NKAIN2: variants seen among roughly 807,000 people sequenced by gnomAD.
NKAIN2 encodes the protein sodium/potassium-transporting ATPase subunit beta-1-interacting protein 2.
In NKAIN2, 14 loss-of-function variants were observed where a neutral mutation model predicts 32.6. That is an observed-to-expected ratio of 0.43 (90% CI 0.28 to 0.67). The LOEUF is 0.67. NKAIN2 is among the 30% of genes least tolerant of loss of function. The probability of loss-of-function intolerance (pLI) is 0.17; values close to 1 mark genes in which losing one functional copy is unlikely to be tolerated. For missense variants in NKAIN2, 198 were observed against 258.3 expected, an observed-to-expected ratio of 0.77 and a Z score of 1.60; for synonymous variants, 80 against 87.2, an observed-to-expected ratio of 0.92 and a Z score of 0.46.
chr6:124,645,239 C>T (rs1388159200), intron 3 of NKAIN2, among the ~76,000 whole-genome samples: 1 of 152,060 alleles, frequency 6.6e-6, no homozygotes, highest in African/African-American at 2.4e-5. Context: ...GTAACATCCT[C>T]TAACAACAGG....
At chr6:124,705,467 G>T (rs1333710067) in intron 4 of NKAIN2, among the ~76,000 whole-genome samples, 1 of 152,038 alleles carries the variant, frequency 6.6e-6, no homozygotes, top group Non-Finnish European at 1.5e-5. Flanking sequence ...AGTGAACATT[G>T]TAAGAAAGAA....
intron 3 of NKAIN2, among the ~76,000 whole-genome samples, chr6:124,399,576 TTTG>T (rs1773540824): frequency 6.6e-6 from 1 of 152,188 alleles, no homozygotes; most frequent in East Asian, 1.9e-4. Context: ...AGCATAAGGG[TTTG>T]AGTTGGGTGG....
intron 4 of NKAIN2, among the ~76,000 whole-genome samples, chr6:124,698,624 AAAG>A (rs1334191687): frequency 1.3e-5 from 2 of 152,304 alleles, no homozygotes; most frequent in Middle Eastern, 3.4e-3. Context: ...GCTCTCTAGA[AAAG>A]AAGTCCTTTT....
chr6:123,860,144 C>T lies in NKAIN2; in HGVS notation c.54+55890C>T, dbSNP rs79665801. 8.4e-3 allele frequency among the ~76,000 whole-genome samples: 1,281 copies of T among 152,208 alleles called. 14 individuals are homozygous for T. Among genetic ancestry groups the T allele is most frequent in the African/African-American group, 0.03 (1,236 of 41,538 alleles). ...AAAACACATCTACTCTCTAAAAGTA[C>T]AAGATGTTGAGGAGATGGTGTCTGG... is the stretch of plus-strand genomic sequence containing the variant. On this transcript the variant is annotated intron_variant, in intron 1 of 6. Coordinates refer to ENST00000368417, the MANE Select transcript of NKAIN2 (RefSeq NM_001040214.3).
At chr6:124,055,633 G>C (rs1231623987) in intron 1 of NKAIN2, among the ~76,000 whole-genome samples, 1 of 151,922 alleles carries the variant, frequency 6.6e-6, no homozygotes, top group Non-Finnish European at 1.5e-5. Flanking sequence ...TGATTATTGG[G>C]TAATTGTGCA....
chr6:124,742,610 C>T (rs998687380), intron 4 of NKAIN2, among the ~76,000 whole-genome samples: 1 of 151,852 alleles, frequency 6.6e-6, no homozygotes, highest in Non-Finnish European at 1.5e-5. Flanking sequence ...TATATTGGTT[C>T]TCTTTTTGGT....
intron 4 of NKAIN2, among the ~76,000 whole-genome samples, chr6:124,732,991 A>G (rs1776761499): frequency 6.6e-6 from 1 of 152,010 alleles, no homozygotes; most frequent in Non-Finnish European, 1.5e-5. Flanking sequence ...TTATTTAACA[A>G]TACAAGGAAA....
intron 4 of NKAIN2, among the ~76,000 whole-genome samples, chr6:124,721,167 A>G (rs1216639629): frequency 6.6e-6 from 1 of 152,210 alleles, no homozygotes; most frequent in Non-Finnish European, 1.5e-5. Context: ...CTGTAATCCC[A>G]GCACTTTGGG....
At chr6:124,099,097 A>G (rs1048835890) in intron 1 of NKAIN2, among the ~76,000 whole-genome samples, 15 of 152,144 alleles carry the variant, frequency 9.9e-5, no homozygotes, top group Non-Finnish European at 1.5e-4. Context: ...TTAATTATTG[A>G]AAAGCTAGAG....
chr6:124,008,592 A>G (rs1039138233), intron 1 of NKAIN2, among the ~76,000 whole-genome samples: 6 of 152,086 alleles, frequency 3.9e-5, no homozygotes, highest in Non-Finnish European at 7.4e-5. Context: ...TTGAGGCAGT[A>G]AGTTAAAATT....
chr6:124,416,088 G>A (rs939627686), intron 3 of NKAIN2, among the ~76,000 whole-genome samples: 2 of 151,482 alleles, frequency 1.3e-5, no homozygotes, highest in African/African-American at 2.4e-5. Flanking sequence ...CTCCCACTAA[G>A]GATAACTAAG....
rs945737378 is a variant in NKAIN2, at chr6:124,758,040, T to C, written c.475-33299T>C. ...ACTTCCTTTTTGTAGGCATTCCAGTTCAGTGAATTAAATTGACAAGAGAAT... is the reference window on the plus strand; with the variant it reads ...ACTTCCTTTTTGTAGGCATTCCAGTCCAGTGAATTAAATTGACAAGAGAAT... On this transcript the variant is annotated intron_variant, in intron 4 of 6. Transcript: ENST00000368417. 5.9e-5 allele frequency among the ~76,000 whole-genome samples: 9 copies of C among 152,242 alleles called. No homozygotes were observed. The South Asian group carries it at 1.9e-3, about 32-fold the overall frequency.
intron 1 of NKAIN2, among the ~76,000 whole-genome samples, chr6:123,827,325 A>G (rs1774189766): frequency 6.6e-6 from 1 of 152,148 alleles, no homozygotes; most frequent in African/African-American, 2.4e-5. Context: ...TGATGTCTTG[A>G]TATACAGGAA....
At chr6:123,906,679 A>G (rs1260638027) in intron 1 of NKAIN2, among the ~76,000 whole-genome samples, 2 of 152,176 alleles carry the variant, frequency 1.3e-5, no homozygotes, top group Admixed American at 6.5e-5. Flanking sequence ...TAAGACCTTT[A>G]TCATCTCCTG....
intron 2 of NKAIN2, among the ~76,000 whole-genome samples, chr6:124,340,863 G>A (rs548406479): frequency 1.3e-5 from 2 of 152,216 alleles, no homozygotes; most frequent in African/African-American, 2.4e-5. Flanking sequence ...GGCATGAAAT[G>A]TTTTGCACCA....
chr6:124,712,129 C>T (rs899340467), intron 4 of NKAIN2, among the ~76,000 whole-genome samples: 4 of 151,510 alleles, frequency 2.6e-5, no homozygotes, highest in South Asian at 2.1e-4. Context: ...TTAGGCTGCT[C>T]GGGGGTCGGG....
chr6:124,741,388 A>C (rs1023371649), intron 4 of NKAIN2, among the ~76,000 whole-genome samples: 1 of 151,892 alleles, frequency 6.6e-6, no homozygotes, highest in Admixed American at 6.6e-5. Flanking sequence ...ATTTGAAATG[A>C]ATGTAGAAAT....
chr6:123,972,647 G>T (rs1778394835), intron 1 of NKAIN2, among the ~76,000 whole-genome samples: 1 of 152,070 alleles, frequency 6.6e-6, no homozygotes, highest in Admixed American at 6.6e-5. Flanking sequence ...AGTCCCCCTT[G>T]CCTTATTAAT....
At chr6:124,220,692 T>C (rs1018432871) in intron 1 of NKAIN2, among the ~76,000 whole-genome samples, 1 of 151,742 alleles carries the variant, frequency 6.6e-6, no homozygotes, top group Non-Finnish European at 1.5e-5. Flanking sequence ...TGCCCCAAAT[T>C]ATATATAAAT....
Sources: gnomAD v4.1 joint callset for allele counts (sites outside exome capture counted in the v4.1 genomes callset) on GRCh38, gnomAD v4.1.1 for gene constraint, MANE v1.5 for transcripts, NCBI Gene and HGNC (gene_info 2026-07-23, HGNC 2026-07-21) for gene names.